GLG1: variants seen among roughly 807,000 people sequenced by gnomAD.
GLG1 encodes Golgi apparatus protein 1.
A neutral mutation model predicts 160.5 loss-of-function variants in GLG1; 38 were observed. That is an observed-to-expected ratio of 0.24 (90% CI 0.18 to 0.31). The LOEUF (loss-of-function observed/expected upper bound fraction) is 0.31, where lower values mean the gene tolerates loss of function less well. GLG1 is among the 10% of genes least tolerant of loss of function. The pLI, the probability that GLG1 is intolerant of heterozygous loss-of-function variation, is 1.00. For synonymous variants in GLG1, 644 were observed against 543.4 expected, an observed-to-expected ratio of 1.19 and a Z score of -2.57; for missense variants, 1,373 against 1,505.2, an observed-to-expected ratio of 0.91 and a Z score of 1.45.
chr16:74,502,949 G>T (rs1230621905), intron 4 of GLG1, among the ~76,000 whole-genome samples: 1 of 151,344 alleles, frequency 6.6e-6, no homozygotes. Context: ...GCTCACGTCT[G>T]TAATCCCAGC....
intron 1 of GLG1, chr16:74,563,262 G>C (rs926774528): frequency 2.0e-5 from 3 of 152,114 alleles, no homozygotes; most frequent in African/African-American, 7.2e-5. Flanking sequence ...AGTCCAATGT[G>C]GGTTAGGAAT....
At chr16:74,519,988 G>T (rs531931157) in intron 2 of GLG1, among the ~76,000 whole-genome samples, 5 of 152,218 alleles carry the variant, frequency 3.3e-5, no homozygotes, top group African/African-American at 1.2e-4. Flanking sequence ...ACAGAATATT[G>T]TATTTATTTT....
chr16:74,553,065 A>C (rs930486596), intron 1 of GLG1, among the ~76,000 whole-genome samples: 2 of 151,936 alleles, frequency 1.3e-5, no homozygotes, highest in Non-Finnish European at 2.9e-5. Context: ...CTAAAAATAC[A>C]AAAAATTAGT....
intron 10 of GLG1, among the ~76,000 whole-genome samples, chr16:74,481,881 T>C (rs1597249608): frequency 6.6e-6 from 1 of 151,456 alleles, no homozygotes; most frequent in African/African-American, 2.4e-5. Flanking sequence ...GCCTCCCGGG[T>C]TTTACACCAT....
intron 1 of GLG1, among the ~76,000 whole-genome samples, chr16:74,533,642 G>A (rs1235969480): frequency 3.3e-5 from 5 of 152,130 alleles, no homozygotes; most frequent in Non-Finnish European, 5.9e-5. Flanking sequence ...TTAGCCAGGC[G>A]TGGTGGCACG....
At chr16:74,458,140 T>C (rs1343594024) in intron 23 of GLG1, 146 bp from the exon 24 acceptor site, 5 of 674,110 alleles carry the variant, frequency 7.4e-6, no homozygotes, top group Non-Finnish European at 1.3e-5. Context: ...TGCAAGGTGG[T>C]GATGATGTAC....
intron 2 of GLG1, among the ~76,000 whole-genome samples, chr16:74,517,422 C>T (rs991932996): frequency 5.3e-5 from 8 of 152,178 alleles, no homozygotes; most frequent in Non-Finnish European, 1.0e-4. Flanking sequence ...CGTAATCCAT[C>T]ACATAAACAG....
intron 2 of GLG1, among the ~76,000 whole-genome samples, chr16:74,530,738 G>C (rs2017506403): frequency 2.0e-5 from 3 of 151,862 alleles, no homozygotes; most frequent in Admixed American, 2.0e-4. Context: ...CCTGGCTCAA[G>C]GGGTCCTCCA....
chr16:74,566,595 G>A (rs192054727), intron 1 of GLG1, among the ~76,000 whole-genome samples: 15 of 149,022 alleles, frequency 1.0e-4, no homozygotes, highest in Admixed American at 4.1e-4. Context: ...TCATTCTCTC[G>A]AAGAGTTAAC....
intron 5 of GLG1, among the ~76,000 whole-genome samples, chr16:74,495,487 C>G (rs1457635720): frequency 6.6e-6 from 1 of 152,178 alleles, no homozygotes; most frequent in Non-Finnish European, 1.5e-5. Context: ...ATGGTTAAAG[C>G]TGTTAATGCA....
At chr16:74,453,386 C>CA in intron 25 of GLG1, 52 bp from the exon 26 acceptor site, 1 of 1,232,502 alleles carries the variant, frequency 8.1e-7, no homozygotes, top group Non-Finnish European at 1.2e-6. Context: ...GGGCTGGTGG[C>CA]AGTGCTAGGT....
At chr16:74,490,897 G>T in intron 8 of GLG1, 104 bp downstream of exon 8, 1 of 757,450 alleles carries the variant, frequency 1.3e-6, no homozygotes, top group Non-Finnish European at 2.3e-6. Context: ...TGTTCAATGT[G>T]ATACCACAGA....
chr16:74,470,060 T>C lies in GLG1; in HGVS notation c.2243A>G (p.Asp748Gly). The C allele has an allele frequency of 6.2e-7, 1 of 1,601,680 alleles. No individual in the cohort carries two copies. Among genetic ancestry groups the C allele is most frequent in the Non-Finnish European group, 8.6e-7 (1 of 1,169,050 alleles). The change falls in exon 16 of 26, where the codon GAT (aspartate) becomes GGT (glycine). Residue 748 changes from aspartate to glycine, a missense_variant. Transcript: ENST00000422840. ...TTTAAACTTGTAAGAAAACCGAAAA[T>C]CCTTCATCTGCACCTGAAAGGTAAA... ...VTHFQLVQMK[D>G]FRFSYKFKMA...
chr16:74,517,454 G>T (rs147088907), intron 2 of GLG1, among the ~76,000 whole-genome samples: 100 of 152,224 alleles, frequency 6.6e-4, no homozygotes, highest in African/African-American at 2.4e-3. Context: ...AAAACCACAT[G>T]ATTATCACAA....
chr16:74,583,021 T>G (rs1280043187), intron 1 of GLG1, among the ~76,000 whole-genome samples: 1 of 152,040 alleles, frequency 6.6e-6, no homozygotes, highest in African/African-American at 2.4e-5. Flanking sequence ...CAACTAAAAT[T>G]TCCCTTTCCT....
chr16:74,600,543 C>T (rs936296565), intron 1 of GLG1, among the ~76,000 whole-genome samples: 5 of 151,734 alleles, frequency 3.3e-5, no homozygotes, highest in Non-Finnish European at 7.4e-5. Flanking sequence ...ACCAGCCTGG[C>T]CAGTGTGGCG....
rs1292739226 is a variant in GLG1, at chr16:74,456,645, T to G, written c.3372+4A>C. ...TTAAAAAAGGAGATTCTCTTGGTCA[T>G]TACCTTTGCTGCGTAACTCCACATC... On this transcript the variant is annotated splice_donor_region_variant and intron_variant, in intron 25 of 25. Coordinates refer to ENST00000422840, the MANE Select transcript of GLG1 (RefSeq NM_001145667.2). 10 of 1,573,976 alleles carry G rather than the reference T, an allele frequency of 6.4e-6. No individual in the cohort carries two copies. Among genetic ancestry groups the G allele is most frequent in the Non-Finnish European group, 8.7e-6 (10 of 1,149,600 alleles).
intron 1 of GLG1, among the ~76,000 whole-genome samples, chr16:74,590,694 G>C (rs887619080): frequency 6.7e-6 from 1 of 149,980 alleles, no homozygotes. Context: ...CTACTCAGGA[G>C]GCTGAGGCAG....
At chr16:74,550,384 G>T (rs1236614946) in intron 1 of GLG1, among the ~76,000 whole-genome samples, 1 of 151,848 alleles carries the variant, frequency 6.6e-6, no homozygotes, top group African/African-American at 2.4e-5. Context: ...TCAATATGTT[G>T]GCTTACAAAG....
Sources: gnomAD v4.1 joint callset for allele counts (sites outside exome capture counted in the v4.1 genomes callset) on GRCh38, gnomAD v4.1.1 for gene constraint, MANE v1.5 for transcripts, NCBI Gene and HGNC (gene_info 2026-07-23, HGNC 2026-07-21) for gene names.